Variants in MACF1 observed in about 807,000 individuals in gnomAD.
MACF1 encodes the protein microtubule-actin cross-linking factor 1.
Under a neutral mutation model 854.8 loss-of-function variants are expected in MACF1, and 193 were observed. The ratio of observed to expected loss-of-function variants is 0.23; its 90% CI spans 0.20 to 0.25. MACF1 has a LOEUF of 0.25. Among genes scored for constraint, MACF1 ranks in the 10% least tolerant of loss-of-function variants. The pLI is 1.00. For synonymous variants in MACF1, 3,185 were observed against 3,226.7 expected, an observed-to-expected ratio of 0.99 and a Z score of 0.44; for missense variants, 7,722 against 8,929.1, an observed-to-expected ratio of 0.86 and a Z score of 5.45.
chr1:39,340,267 T>A lies in MACF1; in HGVS notation c.10216-235T>A, dbSNP rs75298839. 4.7e-5 allele frequency among the ~76,000 whole-genome samples: 7 copies of A among 149,810 alleles called. No homozygotes were observed. In the East Asian group the frequency reaches 9.7e-4, roughly 21 times the overall value. On this transcript the variant is annotated intron_variant, in intron 38 of 100. Transcript: ENST00000564288. ...TGGGTGACCTTGGACACCATTCACA[T>A]TTTTTTTTTAAGCAATGAGGCATCT...
chr1:39,309,561 T>C lies in MACF1; in HGVS notation c.2790-9T>C. 6.2e-7 allele frequency: 1 copy of C among 1,613,970 alleles called. No individual in the cohort carries two copies. The highest frequency in any genetic ancestry group is 2.2e-5 in the East Asian group (1 of 44,882). On this transcript the variant is annotated splice_polypyrimidine_tract_variant and intron_variant, in intron 23 of 100. Coordinates refer to ENST00000564288, the MANE Select transcript of MACF1 (RefSeq NM_001394062.1). ...CAAAGGTAATAGTCAGGTTCTGTGTTATTTCTAGGGTCGAACAATCTTATC... is the reference window on the plus strand; with the variant it reads ...CAAAGGTAATAGTCAGGTTCTGTGTCATTTCTAGGGTCGAACAATCTTATC...
chr1:39,284,884 C>T (rs771697268), intron 11 of MACF1, among the ~76,000 whole-genome samples, 199 bp from the exon 12 acceptor site: 1 of 152,182 alleles, frequency 6.6e-6, no homozygotes, highest in Non-Finnish European at 1.5e-5. Context: ...GTAGTCCCTA[C>T]ATTCTAGAGG....
chr1:39,438,979 A>T (rs1340221821), intron 71 of MACF1, among the ~76,000 whole-genome samples: 1 of 150,760 alleles, frequency 6.6e-6, no homozygotes, highest in Non-Finnish European at 1.5e-5. Flanking sequence ...GCTACTTGGG[A>T]GGCTGAGGCA....
chr1:39,306,385 C>T (rs926763719), intron 23 of MACF1, among the ~76,000 whole-genome samples: 1 of 152,054 alleles, frequency 6.6e-6, no homozygotes, highest in Non-Finnish European at 1.5e-5. Context: ...ACCTCGGCCT[C>T]TCAAAGTGTT....
chr1:39,389,322 A>C (rs1641930882), intron 58 of MACF1, among the ~76,000 whole-genome samples: 2 of 146,546 alleles, frequency 1.4e-5, no homozygotes, highest in Admixed American at 1.4e-4. Flanking sequence ...ATAGCAGTGA[A>C]TGTATCTTCA....
In MACF1 at chr1:39,296,811, A is replaced by AAAGG. The variant is rs751164815; in HGVS notation, c.2356-778_2356-775dup. The stretch of plus-strand genomic sequence containing the variant: ...AAGAAAGGAAGGAAGGAAAAGAAAG[A>AAAGG]AAGGAAGGAAGGAAGGAAGGAAGGA... On this transcript the variant is annotated intron_variant, in intron 20 of 100. Coordinates refer to ENST00000564288, the MANE Select transcript of MACF1 (RefSeq NM_001394062.1). Among the ~76,000 whole-genome samples the AAAGG allele has an allele frequency of 3.2e-3, 339 of 106,374 alleles. 8 individuals are homozygous for AAAGG. The highest frequency in any genetic ancestry group is 9.3e-3 in the African/African-American group (167 of 17,946). 69.8% of individuals were successfully genotyped at this position (106,374 alleles called of 152,430 possible).
rs1196366644 is a variant in MACF1 at position 39,455,080 on chromosome 1, C to T, written c.21058C>T (p.Leu7020Phe). The T allele has an allele frequency of 1.2e-6, 2 of 1,613,842 alleles. No individual in the cohort carries two copies. Among genetic ancestry groups the T allele is most frequent in the African/African-American group, 2.7e-5 (2 of 74,920 alleles). The change falls in exon 89 of 101, where the codon CTT becomes TTT. Residue 7020 changes from leucine to phenylalanine, a missense_variant. By Grantham distance (22) the Leu-to-Phe change is conservative (BLOSUM62 0). This residue lies in a region of MACF1 where 729 missense variants were observed against 900.5 expected (regional missense o/e 0.81). Coordinates refer to ENST00000564288, the MANE Select transcript of MACF1 (RefSeq NM_001394062.1). ...IPQNIDRVKA[L>F]IAEHQTFMEE... ...GCAGAACATTGACCGAGTTAAAGCC[C>T]TTATCGCTGAGCATCAGGTATCTTA...
intron 4 of MACF1, among the ~76,000 whole-genome samples, chr1:39,252,674 A>C (rs894029638): frequency 2.5e-4 from 38 of 152,292 alleles, no homozygotes; most frequent in African/African-American, 8.4e-4. Context: ...CTCCCTTCTC[A>C]TTGCCTTAGA....
chr1:39,341,825 C>G (rs1646941593), intron 40 of MACF1, among the ~76,000 whole-genome samples: 1 of 151,412 alleles, frequency 6.6e-6, no homozygotes, highest in Non-Finnish European at 1.5e-5. Flanking sequence ...TATAAATGAG[C>G]ATCTAGGATC....
chr1:39,287,724 CT>C (rs1645672727), intron 15 of MACF1, 162 bp downstream of exon 15: 2 of 755,718 alleles, frequency 2.6e-6, no homozygotes, highest in East Asian at 5.4e-5. Context: ...CCAGGCTGGA[CT>C]GGAACTCCTG....
chr1:39,389,157 T>C (rs531448204), intron 58 of MACF1, among the ~76,000 whole-genome samples: 3 of 152,066 alleles, frequency 2.0e-5, no homozygotes, highest in Admixed American at 2.0e-4. Context: ...ATTACAGGCA[T>C]GAGCCATCAC....
rs372899294 is a variant in MACF1 at position 39,441,298 on chromosome 1, T to G, written c.18645T>G (p.Ala6215=). 13 of 1,614,020 alleles carry G rather than the reference T, an allele frequency of 8.1e-6. No homozygotes were observed. Among genetic ancestry groups the G allele is most frequent in the Non-Finnish European group, 1.1e-5 (13 of 1,180,014 alleles). ...RLEKLEDAMQ[A]AVQYQDTLQA... is the part of the protein sequence containing the mutation. ...AAAAACTTGAGGATGCTATGCAAGC[T>G]GCTGTGCAGTATCAGGACACTCTTC... The change falls in exon 74 of 101, where the codon GCT becomes GCG. Residue 6215 remains alanine (A), a synonymous_variant. Coordinates refer to ENST00000564288, the MANE Select transcript of MACF1 (RefSeq NM_001394062.1).
At chr1:39,270,003 A>T (rs1256992527) in intron 6 of MACF1, among the ~76,000 whole-genome samples, 1 of 152,208 alleles carries the variant, frequency 6.6e-6, no homozygotes, top group African/African-American at 2.4e-5. Flanking sequence ...GCAATGCTAG[A>T]TAGTACTTAC....
chr1:39,410,328 AGAG>A, intron 58 of MACF1: 1 of 1,613,420 alleles, frequency 6.2e-7, no homozygotes, highest in Non-Finnish European at 8.5e-7. Context: ...TGGGGAAAGG[AGAG>A]GAGGAGGATG....
Position 39,333,230 on chromosome 1 carries a change from G to T in MACF1, c.6642G>T (p.Lys2214Asn). 1.2e-6 allele frequency: 2 copies of T among 1,613,326 alleles called. No homozygotes were observed. Among genetic ancestry groups the T allele is most frequent in the South Asian group, 2.2e-5 (2 of 90,824 alleles). ...KKTLGIKLEL[K>N]SETDGNVHPL... ...CTCTAGGTATAAAGTTAGAACTAAAGTCTGAAACTGATGGGAATGTTCATC... is the reference window on the plus strand; with the variant it reads ...CTCTAGGTATAAAGTTAGAACTAAATTCTGAAACTGATGGGAATGTTCATC... The change falls in exon 37 of 101, where the codon AAG (lysine) becomes AAT (asparagine). Residue 2214 changes from lysine (K) to asparagine (N), a missense_variant. By Grantham distance (94) the Lys-to-Asn change is moderately conservative (BLOSUM62 0). Transcript: ENST00000564288.
intron 2 of MACF1, among the ~76,000 whole-genome samples, chr1:39,192,184 T>C (rs754827780): frequency 2.6e-5 from 4 of 152,036 alleles, no homozygotes; most frequent in Non-Finnish European, 5.9e-5. Context: ...TTAAAAATGG[T>C]TACCCAGATT....
At chr1:39,426,256 C>A (rs557510511) in intron 61 of MACF1, among the ~76,000 whole-genome samples, 1 of 152,198 alleles carries the variant, frequency 6.6e-6, no homozygotes, top group South Asian at 2.1e-4. Flanking sequence ...ATATGTTTTT[C>A]TTTATATTCA....
intron 2 of MACF1, among the ~76,000 whole-genome samples, chr1:39,175,759 C>G (rs1316652025): frequency 1.3e-5 from 2 of 151,076 alleles, no homozygotes; most frequent in Non-Finnish European, 2.9e-5. Context: ...TTGAAACCAG[C>G]CTGGCCAACG....
At chr1:39,423,219 A>G (rs952921034) in intron 60 of MACF1, among the ~76,000 whole-genome samples, 1 of 152,086 alleles carries the variant, frequency 6.6e-6, no homozygotes, top group African/African-American at 2.4e-5. Flanking sequence ...ACAAAGTTTT[A>G]TCTATATTTT....
Sources: allele counts gnomAD v4.1 joint callset (sites outside exome capture counted in the v4.1 genomes callset), GRCh38; gene constraint gnomAD v4.1.1; regional missense constraint gnomAD v4.1.1; transcripts MANE v1.5; gene names NCBI Gene and HGNC (gene_info 2026-07-23, HGNC 2026-07-21).